The following CABP7 variants were observed in gnomAD, a reference collection of about 807,000 sequenced individuals.
The protein encoded by CABP7 is calcium binding protein 7.
CABP7 carries 13 observed loss-of-function variants against 23.1 expected under a neutral mutation model. The observed-to-expected ratio is 0.56, with a 90% CI of 0.37 to 0.90. The LOEUF is 0.90. Among genes scored for constraint, CABP7 ranks in the 40% least tolerant of loss-of-function variants. The pLI is 0.01. For synonymous variants in CABP7, 123 were observed against 115.3 expected (o/e 1.07, Z -0.43); for missense variants, 248 against 295.6 (o/e 0.84, Z 1.18).
rs2067842695 is a variant in CABP7, at chr22:29,731,414, C to T, written c.*1845C>T. ...TGCACTACAGCCCAGGCTTATGCCA[C>T]CCCCAGCCCACCTGCCTCACCACCC... On this transcript the variant is annotated 3_prime_UTR_variant, in exon 5 of 5. Transcript: ENST00000216144. The T allele has an allele frequency of 1.3e-6, 2 of 1,510,938 alleles. No homozygotes were observed. Among genetic ancestry groups the T allele is most frequent in the Middle Eastern group, 1.7e-4 (1 of 5,826 alleles). 93.6% of individuals were successfully genotyped at this position (1,510,938 alleles called of 1,614,324 possible). A position where few individuals can be genotyped will look rare whatever the true frequency, so the allele number is the denominator to read the frequency against.
intron 1 of CABP7, among the ~76,000 whole-genome samples, chr22:29,726,242 C>T (rs747634121): frequency 3.3e-5 from 5 of 152,168 alleles, no homozygotes; most frequent in Admixed American, 1.3e-4. Flanking sequence ...GACCCTCAGG[C>T]CTTGGGTGTG....
At position 29,727,534 on chromosome 22, in the gene CABP7, G is replaced by C. The variant is rs1183533950; in HGVS notation, c.110-128G>C. On this transcript the variant is annotated intron_variant, in intron 1 of 4. Transcript: ENST00000216144. This position sits in a 1 kb window ranked among gnomAD's most constrained non-coding sequence, Gnocchi z 4.2. ...GCACCCTCGGGCCATGCTCTCACCA[G>C]ATCTGCAGGCTCTGGGTTGGGCTCT... 1.7e-6 allele frequency: 2 copies of C among 1,184,662 alleles called. No individual in the cohort carries two copies. The highest frequency in any genetic ancestry group is 3.1e-5 in the African/African-American group (2 of 65,522). The allele number at this position is 1,184,662 out of a possible 1,614,324, so 73.4% of individuals were successfully genotyped here.
At chr22:29,728,906 G>A (rs1294880206) in intron 3 of CABP7, 149 bp from the exon 4 acceptor site, 38 of 1,133,180 alleles carry the variant, frequency 3.4e-5, no homozygotes, top group Non-Finnish European at 4.2e-5. Flanking sequence ...TGGGGAGGCC[G>A]GTGTTGGTCA....
Position 29,727,558 on chromosome 22 carries a change from C to T in CABP7, c.110-104C>T. ...AGATCTGCAGGCTCTGGGTTGGGCTCTCAAGGCCATGCTCAGGCTGCAGGG... is the reference window on the plus strand; with the variant it reads ...AGATCTGCAGGCTCTGGGTTGGGCTTTCAAGGCCATGCTCAGGCTGCAGGG... On this transcript the variant is annotated intron_variant, in intron 1 of 4. Coordinates refer to ENST00000216144, the MANE Select transcript of CABP7 (RefSeq NM_182527.3). The surrounding 1 kb of genome is among the most constrained non-coding windows in gnomAD (Gnocchi z 4.2). 2 of 1,469,734 alleles carry T rather than the reference C, an allele frequency of 1.4e-6. No homozygotes were observed. The highest frequency in any genetic ancestry group is 2.3e-5 in the East Asian group (1 of 43,710). The allele number at this position is 1,469,734 out of a possible 1,614,324, so 91.0% of individuals were successfully genotyped here.
In CABP7 at chr22:29,731,068, G is replaced by A. The variant is rs779873674; in HGVS notation, c.*1499G>A. 9.7e-6 allele frequency: 7 copies of A among 724,696 alleles called. No homozygotes were observed. Among genetic ancestry groups the A allele is most frequent in the Non-Finnish European group, 1.4e-5 (7 of 483,378 alleles). The allele number at this position is 724,696 out of a possible 1,614,324, so 44.9% of individuals were successfully genotyped here. A position where few individuals can be genotyped will look rare whatever the true frequency, so the allele number is the denominator to read the frequency against. On this transcript the variant is annotated 3_prime_UTR_variant, in exon 5 of 5. Transcript: ENST00000216144. ...GGAGAGCTGCCCGGTGCAGACCCAG[G>A]ACGAGGGCTGCACTTGGTGTGGCCG...
Position 29,728,914 on chromosome 22 carries a change from T to G in CABP7, c.367-141T>G, listed in dbSNP as rs541847486. On this transcript the variant is annotated intron_variant, in intron 3 of 4. Coordinates refer to ENST00000216144, the MANE Select transcript of CABP7 (RefSeq NM_182527.3). Reference sequence around the variant, plus strand: ...GGCTCCCTGGGGAGGCCGGTGTTGGTCAAGGACTCTCTGGGGGAATGGAGC... The same window carrying G: ...GGCTCCCTGGGGAGGCCGGTGTTGGGCAAGGACTCTCTGGGGGAATGGAGC... 1.0e-3 allele frequency: 1,225 copies of G among 1,209,168 alleles called. 9 individuals carry two copies. The highest frequency in any genetic ancestry group is 2.2e-3 in the South Asian group (161 of 72,182). 74.9% of individuals were successfully genotyped at this position (1,209,168 alleles called of 1,614,324 possible). A position where few individuals can be genotyped will look rare whatever the true frequency, so the allele number is the denominator to read the frequency against.
Position 29,729,392 on chromosome 22 carries a change from G to A in CABP7, c.521-50G>A, listed in dbSNP as rs201760480. 8.0e-5 allele frequency: 128 copies of A among 1,599,474 alleles called. 1 individual carries two copies. Among genetic ancestry groups the A allele is most frequent in the East Asian group, 2.7e-4 (12 of 44,836 alleles). ...AGGGCAGGCGGCTCCTGACTCCATC[G>A]CTTTGATGTCCCCTTCTGTCTCCCC... is the stretch of plus-strand genomic sequence containing the variant. On this transcript the variant is annotated intron_variant, in intron 4 of 4. Coordinates refer to ENST00000216144, the MANE Select transcript of CABP7 (RefSeq NM_182527.3).
At chr22:29,728,137 G>A (rs2067809720) in intron 2 of CABP7, among the ~76,000 whole-genome samples, 1 of 152,208 alleles carries the variant, frequency 6.6e-6, no homozygotes, top group Non-Finnish European at 1.5e-5. Context: ...GACTACTTGA[G>A]TTGTGTTTGC....
Position 29,729,533 on chromosome 22 carries a change from T to C in CABP7, c.612T>C (p.Ile204=), listed in dbSNP as rs1441858604. ...AIAFIISVML[I]AANQVLRSGM... ...CCTTCATCATCAGTGTCATGCTCAT[T>C]GCGGCCAACCAGGTGCTGCGCAGTG... The change falls in exon 5 of 5, where the codon ATT becomes ATC. Residue 204 remains isoleucine (I), a synonymous_variant. Transcript: ENST00000216144. The C allele has an allele frequency of 1.2e-6, 2 of 1,612,238 alleles. No homozygotes were observed. The highest frequency in any genetic ancestry group is 1.7e-6 in the Non-Finnish European group (2 of 1,179,974).
In CABP7 at chr22:29,727,278, T is replaced by C. The variant is rs1601708277; in HGVS notation, c.110-384T>C. On this transcript the variant is annotated intron_variant, in intron 1 of 4. Transcript: ENST00000216144. This position sits in a 1 kb window ranked among gnomAD's most constrained non-coding sequence, Gnocchi z 4.2. Reference sequence around the variant, plus strand: ...ATGGAGATGGTGGGGGAGAGGGGGATGAAAGGAATGGGGGCGGGTGGGGAA... The same window carrying C: ...ATGGAGATGGTGGGGGAGAGGGGGACGAAAGGAATGGGGGCGGGTGGGGAA... Among the ~76,000 whole-genome samples, 1 of 57,858 alleles carries C rather than the reference T, an allele frequency of 1.7e-5. No homozygotes were observed. Among genetic ancestry groups the C allele is most frequent in the South Asian group, 4.9e-4 (1 of 2,026 alleles). 38.0% of individuals were successfully genotyped at this position (57,858 alleles called of 152,430 possible).
intron 2 of CABP7, among the ~76,000 whole-genome samples, chr22:29,728,197 C>A (rs1348249284): frequency 6.6e-6 from 1 of 152,224 alleles, no homozygotes; most frequent in East Asian, 1.9e-4. Context: ...TGATGCCAAG[C>A]CCCCTCTTTA....
rs867161674 is a variant in CABP7, at chr22:29,731,635, A to G, written c.*2066A>G. 7.7e-6 allele frequency: 3 copies of G among 387,368 alleles called. No homozygotes were observed. The highest frequency in any genetic ancestry group is 1.4e-3 in the Middle Eastern group (2 of 1,456). 24.0% of individuals were successfully genotyped at this position (387,368 alleles called of 1,614,324 possible). A position where few individuals can be genotyped will look rare whatever the true frequency, so the allele number is the denominator to read the frequency against. ...CCTGTGGGGGACTGATTCAATACAT[A>G]TGCACGTCCACAGCAGAGAATGCCA... On this transcript the variant is annotated 3_prime_UTR_variant, in exon 5 of 5. Transcript: ENST00000216144.
rs572546354 is a variant in CABP7, at chr22:29,729,276, GGA to G, written c.520+72_520+73del. 259 of 1,581,664 alleles carry G rather than the reference GGA, an allele frequency of 1.6e-4. 4 individuals are homozygous for G. In the South Asian group the frequency reaches 2.7e-3, roughly 17 times the overall value. ...TTGGCCAGGGGGACGCACGGGGTGG[GGA>G]GAGTCTGCAGAGGGGGGCTGGGGGC... is the stretch of plus-strand genomic sequence containing the variant. On this transcript the variant is annotated intron_variant, in intron 4 of 4. Transcript: ENST00000216144.
At chr22:29,728,963 T>C in intron 3 of CABP7, 92 bp from the exon 4 acceptor site, 1 of 1,488,070 alleles carries the variant, frequency 6.7e-7, no homozygotes, top group Non-Finnish European at 9.2e-7. Context: ...CCCCCCAGAA[T>C]CTAGAGGCCT....
intron 1 of CABP7, among the ~76,000 whole-genome samples, chr22:29,722,784 T>C (rs1052305992): frequency 3.9e-5 from 6 of 152,194 alleles, no homozygotes; most frequent in Non-Finnish European, 7.3e-5. Context: ...GAGGACGCCA[T>C]TCGCGGAGGA....
At position 29,729,585 on chromosome 22, in the gene CABP7, CCCA is replaced by C; in HGVS notation, c.*17_*19del. The C allele has an allele frequency of 6.2e-7, 1 of 1,606,828 alleles. No homozygotes were observed. The highest frequency in any genetic ancestry group is 1.1e-5 in the South Asian group (1 of 91,066). On this transcript the variant is annotated 3_prime_UTR_variant, in exon 5 of 5. Transcript: ENST00000216144. ...CATGAAGTAGACGCCACCTGGATGC[CCCA>C]TCCACCGCATGCGGTGCCCGTGGCC...
chr22:29,731,157 C>T lies in CABP7; in HGVS notation c.*1588C>T, dbSNP rs563982480. On this transcript the variant is annotated 3_prime_UTR_variant, in exon 5 of 5. Coordinates refer to ENST00000216144, the MANE Select transcript of CABP7 (RefSeq NM_182527.3). ...AGCCTCCATGGGGCGTAGCAGGAAC[C>T]GGGCTTGGCTTCCTATTGTGACTGA... The T allele has an allele frequency of 9.1e-6, 13 of 1,428,488 alleles. No homozygotes were observed. Among genetic ancestry groups the T allele is most frequent in the Admixed American group, 3.0e-5 (1 of 33,258 alleles). 88.5% of individuals were successfully genotyped at this position (1,428,488 alleles called of 1,614,324 possible).
Position 29,720,475 on chromosome 22 carries a change from C to T in CABP7, c.51C>T (p.Thr17=), listed in dbSNP as rs1025841451. The T allele has an allele frequency of 1.3e-6, 2 of 1,563,856 alleles. No individual in the cohort carries two copies. Among genetic ancestry groups the T allele is most frequent in the African/African-American group, 1.4e-5 (1 of 70,728 alleles). ...CGTTGATGTACCGGGGCATCTACAC[C>T]GTGCCCAACCTGCTGTCGGAGCAGC... is the stretch of plus-strand genomic sequence containing the variant. ...TAALMYRGIY[T]VPNLLSEQRP... Residue 17 remains threonine, a synonymous_variant, in exon 1 of 5, where the codon ACC becomes ACT. Transcript: ENST00000216144. The surrounding 1 kb of genome is among the most constrained non-coding windows in gnomAD (Gnocchi z 5.2).
In CABP7 at chr22:29,729,469, C is replaced by T. The variant is rs773676522; in HGVS notation, c.548C>T (p.Thr183Ile). 1.9e-5 allele frequency: 30 copies of T among 1,611,524 alleles called. No individual in the cohort carries two copies. Among genetic ancestry groups the T allele is most frequent in the African/African-American group, 5.3e-5 (4 of 74,958 alleles). Reference protein sequence around the residue: ...ETCSNQQIRQTCVRKSLICAF... With the variant: ...ETCSNQQIRQICVRKSLICAF... ...TGCTCCAACCAGCAGATCCGCCAGA[C>T]TTGCGTGCGCAAGAGTCTCATCTGC... The change falls in exon 5 of 5, where the codon ACT becomes ATT. Residue 183 changes from threonine (T) to isoleucine (I), a missense_variant. Transcript: ENST00000216144.
Sources: gnomAD v4.1 joint callset for allele counts (sites outside exome capture counted in the v4.1 genomes callset) on GRCh38, gnomAD v4.1.1 for gene constraint, Gnocchi (gnomAD v3.1) non-coding constraint, MANE v1.5 for transcripts, NCBI Gene and HGNC (gene_info 2026-07-23, HGNC 2026-07-21) for gene names.